PRLR: variants seen among roughly 807,000 people sequenced by gnomAD.
PRLR encodes prolactin receptor.
A neutral mutation model predicts 40.2 loss-of-function variants in PRLR; 13 were observed. The ratio of observed to expected loss-of-function variants is 0.32; its 90% CI spans 0.21 to 0.51. The LOEUF is 0.51. PRLR is among the 20% of genes least tolerant of loss of function. The probability of loss-of-function intolerance (pLI) is 0.97; values close to 1 mark genes in which losing one functional copy is unlikely to be tolerated. For missense variants in PRLR, 656 were observed against 747.3 expected (o/e 0.88, Z 1.42); for synonymous variants, 269 against 278.7 (o/e 0.97, Z 0.35).
At chr5:35,223,666 T>G (rs1776477234) in intron 1 of PRLR, among the ~76,000 whole-genome samples, 1 of 152,258 alleles carries the variant, frequency 6.6e-6, no homozygotes. Flanking sequence ...GTTATGGGCA[T>G]GCTGCCCTCC....
rs1768944256 is a variant in PRLR at position 35,060,048 on chromosome 5, G to A, written c.*5041C>T. 6.6e-6 allele frequency: 1 copy of A among 152,148 alleles called. No individual in the cohort carries two copies. The highest frequency in any genetic ancestry group is 2.4e-5 in the African/African-American group (1 of 41,424). The allele number at this position is 152,148 out of a possible 1,614,324, so 9.4% of individuals were successfully genotyped here. A position where few individuals can be genotyped will look rare whatever the true frequency, so the allele number is the denominator to read the frequency against. ...TGGGTCTTACTATGTTGCGTAGGCT[G>A]GGCATGGATTTATTAATGGCTTTTG... On this transcript the variant is annotated 3_prime_UTR_variant, in exon 10 of 10. Transcript: ENST00000618457.
At chr5:35,109,002 C>T (rs1489618697) in intron 2 of PRLR, among the ~76,000 whole-genome samples, 1 of 152,138 alleles carries the variant, frequency 6.6e-6, no homozygotes, top group Non-Finnish European at 1.5e-5. Flanking sequence ...CAGCATGGTA[C>T]TAGTACCAAA....
intron 2 of PRLR, among the ~76,000 whole-genome samples, chr5:35,112,557 G>T (rs1430323389): frequency 3.9e-5 from 6 of 152,124 alleles, no homozygotes; most frequent in Non-Finnish European, 8.8e-5. Context: ...TGGGCTAGGG[G>T]AGGGAAAGCA....
chr5:35,177,542 A>G (rs1775183417), intron 1 of PRLR, among the ~76,000 whole-genome samples: 2 of 152,134 alleles, frequency 1.3e-5, no homozygotes, highest in Admixed American at 6.5e-5. Context: ...TGGACATATC[A>G]TACACATGGA....
intron 1 of PRLR, among the ~76,000 whole-genome samples, chr5:35,129,964 C>T (rs544985534): frequency 2.6e-4 from 39 of 152,124 alleles, no homozygotes; most frequent in Non-Finnish European, 3.1e-4. Context: ...TGTCGCAAGC[C>T]TGTCAAAGTT....
chr5:35,078,478 C>T (rs1000016688), intron 5 of PRLR, among the ~76,000 whole-genome samples: 15 of 152,074 alleles, frequency 9.9e-5, no homozygotes, highest in Middle Eastern at 6.8e-3. Flanking sequence ...TTCCTGGACG[C>T]GTACACCCTC....
intron 5 of PRLR, among the ~76,000 whole-genome samples, chr5:35,083,448 CTGTG>C (rs144426701): frequency 0.18 from 25,500 of 144,280 alleles, 2,881 homozygotes; most frequent in African/African-American, 0.34. Context: ...TCCTCTCTCT[CTGTG>C]TGTGTGTGTG....
rs867926011 is a variant in PRLR at position 35,083,524 on chromosome 5, C to T, written c.373+946G>A. 9.5e-3 allele frequency among the ~76,000 whole-genome samples: 1,298 copies of T among 136,390 alleles called. 21 individuals are homozygous for T. The highest frequency in any genetic ancestry group is 0.034 in the African/African-American group (1,223 of 36,490). The allele number at this position is 136,390 out of a possible 152,430, so 89.5% of individuals were successfully genotyped here. A position where few individuals can be genotyped will look rare whatever the true frequency, so the allele number is the denominator to read the frequency against. ...ACATTTAAATTCTTTCTTTTCTTTT[C>T]TTTTTTTTTTTTTGATGTGGAGTCT... On this transcript the variant is annotated intron_variant, in intron 5 of 9. Transcript: ENST00000618457.
intron 1 of PRLR, among the ~76,000 whole-genome samples, chr5:35,184,439 G>T (rs372181175): frequency 6.6e-6 from 1 of 152,124 alleles, no homozygotes; most frequent in East Asian, 1.9e-4. Context: ...GCTTGATCCC[G>T]GGAGGAAGAG....
At chr5:35,101,525 T>A (rs952936201) in intron 2 of PRLR, among the ~76,000 whole-genome samples, 6 of 152,134 alleles carry the variant, frequency 3.9e-5, no homozygotes, top group African/African-American at 1.4e-4. Flanking sequence ...TGTGGAGACT[T>A]CAAGAACTGG....
intron 5 of PRLR, among the ~76,000 whole-genome samples, chr5:35,080,019 C>T (rs1770395771): frequency 6.6e-6 from 1 of 152,142 alleles, no homozygotes; most frequent in African/African-American, 2.4e-5. Flanking sequence ...CTTCCTTACA[C>T]CTTATACAAA....
At chr5:35,082,754 C>CTTTTAAAATG (rs1770600815) in intron 5 of PRLR, among the ~76,000 whole-genome samples, 1 of 152,122 alleles carries the variant, frequency 6.6e-6, no homozygotes, top group African/African-American at 2.4e-5. Context: ...AGAAAATGTA[C>CTTTTAAAATG]CGTGCATTTT....
rs542618575 is a variant in PRLR, at chr5:35,133,272, T to C, written c.-105-15150A>G. Reference sequence around the variant, plus strand: ...GCAGACGGCACATAATAGGACTTCTTGCCTCCATAATCGTGTGAGCCAATT... The same window carrying C: ...GCAGACGGCACATAATAGGACTTCTCGCCTCCATAATCGTGTGAGCCAATT... On this transcript the variant is annotated intron_variant, in intron 1 of 9. Coordinates refer to ENST00000618457, the MANE Select transcript of PRLR (RefSeq NM_000949.7). 2.6e-5 allele frequency among the ~76,000 whole-genome samples: 4 copies of C among 152,300 alleles called. No homozygotes were observed. The South Asian group carries it at 6.2e-4, about 24-fold the overall frequency.
chr5:35,067,973 C>G (rs1769483209), intron 9 of PRLR, among the ~76,000 whole-genome samples: 3 of 152,166 alleles, frequency 2.0e-5, no homozygotes, highest in African/African-American at 7.2e-5. Context: ...TCTGATAAAT[C>G]AATAAATGTG....
At chr5:35,111,352 C>T (rs922625999) in intron 2 of PRLR, among the ~76,000 whole-genome samples, 2 of 152,098 alleles carry the variant, frequency 1.3e-5, no homozygotes, top group African/African-American at 4.8e-5. Flanking sequence ...GATGGTAACA[C>T]TGAGTTTGTA....
chr5:35,050,716 CCT>C (rs1307388540), downstream of PRLR, among the ~76,000 whole-genome samples: 3 of 152,172 alleles, frequency 2.0e-5, no homozygotes, highest in African/African-American at 4.8e-5. Context: ...CTGCCCCAGG[CCT>C]CTGTCAATAA....
chr5:35,124,217 G>A (rs995211763), intron 1 of PRLR, among the ~76,000 whole-genome samples: 3 of 152,186 alleles, frequency 2.0e-5, no homozygotes, highest in African/African-American at 7.2e-5. Context: ...TTCTTTACCG[G>A]ACATTCCGAT....
chr5:35,216,631 C>T (rs565223742), intron 1 of PRLR, among the ~76,000 whole-genome samples: 1 of 152,292 alleles, frequency 6.6e-6, no homozygotes, highest in South Asian at 2.1e-4. Context: ...ACACCAAAGA[C>T]AGTGTGCTGC....
At chr5:35,070,863 A>T (rs995609547) in intron 6 of PRLR, among the ~76,000 whole-genome samples, 1 of 146,004 alleles carries the variant, frequency 6.8e-6, no homozygotes, top group Non-Finnish European at 1.5e-5. Flanking sequence ...AAAAAAAAAA[A>T]GAATAACAAA....
Sources: gnomAD v4.1 joint callset for allele counts (sites outside exome capture counted in the v4.1 genomes callset) on GRCh38, gnomAD v4.1.1 for gene constraint, MANE v1.5 for transcripts, NCBI Gene and HGNC (gene_info 2026-07-23, HGNC 2026-07-21) for gene names.